HOMER2: variants seen among roughly 807,000 people sequenced by gnomAD.
HOMER2 encodes the protein homer protein homolog 2.
In HOMER2, 27 loss-of-function variants were observed where a neutral mutation model predicts 47.0. That is an observed-to-expected ratio of 0.57 (90% CI 0.42 to 0.79). HOMER2 has a LOEUF of 0.79. HOMER2 is among the 30% of genes least tolerant of loss of function. The pLI is 0.00. For missense variants in HOMER2, 443 were observed against 435.0 expected, an observed-to-expected ratio of 1.02 and a Z score of -0.16; for synonymous variants, 161 against 163.8, an observed-to-expected ratio of 0.98 and a Z score of 0.13.
intron 1 of HOMER2, among the ~76,000 whole-genome samples, chr15:82,929,183 G>A (rs937763178): frequency 2.0e-5 from 3 of 152,008 alleles, no homozygotes; most frequent in Non-Finnish European, 4.4e-5. Flanking sequence ...TTCCTACCAC[G>A]TAATCTGAAT....
At chr15:82,881,226 C>T (rs764868884) in intron 2 of HOMER2, among the ~76,000 whole-genome samples, 38 of 152,226 alleles carry the variant, frequency 2.5e-4, no homozygotes, top group Admixed American at 9.8e-4. Flanking sequence ...TCACAAAATG[C>T]ACAAAACACA....
chr15:82,985,051 T>C (rs912313089), intron 1 of HOMER2, among the ~76,000 whole-genome samples: 5 of 152,186 alleles, frequency 3.3e-5, no homozygotes, highest in Admixed American at 6.5e-5. Flanking sequence ...TTCTAAAGCT[T>C]TAAATAATGG....
chr15:82,871,241 G>C lies in HOMER2; in HGVS notation c.294+4032C>G, dbSNP rs185210180. Among the ~76,000 whole-genome samples the C allele has an allele frequency of 3.5e-3, 538 of 152,338 alleles. 3 individuals carry two copies. Among genetic ancestry groups the C allele is most frequent in the Non-Finnish European group, 5.6e-3 (383 of 68,026 alleles). On this transcript the variant is annotated intron_variant, in intron 3 of 8. Coordinates refer to ENST00000450735, the MANE Select transcript of HOMER2 (RefSeq NM_004839.4). ...TGGTTGGGAAATAGTCCTTATAATGGAGCAGTTAAGACCAAGGCATCTATT... is the reference window on the plus strand; with the variant it reads ...TGGTTGGGAAATAGTCCTTATAATGCAGCAGTTAAGACCAAGGCATCTATT...
chr15:82,954,305 T>C (rs937142619), upstream of HOMER2, among the ~76,000 whole-genome samples: 8 of 152,056 alleles, frequency 5.3e-5, no homozygotes, highest in Non-Finnish European at 7.4e-5. Context: ...ATTATTTTTT[T>C]TTTGAGACGG....
chr15:82,898,126 C>G (rs570489553), intron 1 of HOMER2, among the ~76,000 whole-genome samples: 1 of 152,250 alleles, frequency 6.6e-6, no homozygotes, highest in South Asian at 2.1e-4. Flanking sequence ...TTCAGGCAAA[C>G]TGAACAACAA....
At chr15:82,955,171 C>CTT (rs537098552), upstream of HOMER2, among the ~76,000 whole-genome samples, 55 of 133,810 alleles carry the variant, frequency 4.1e-4, no homozygotes, top group African/African-American at 1.1e-3. Flanking sequence ...TTTTCTTTTT[C>CTT]TTTTTTTTTT....
chr15:82,908,937 CA>C (rs1437294500), intron 1 of HOMER2, among the ~76,000 whole-genome samples: 1 of 151,924 alleles, frequency 6.6e-6, no homozygotes, highest in Non-Finnish European at 1.5e-5. Flanking sequence ...TAGAAGACAA[CA>C]CCAGGGAGCC....
chr15:82,849,567 GGAGT>G lies in HOMER2; in HGVS notation c.*144_*147del, dbSNP rs1002707190. On this transcript the variant is annotated 3_prime_UTR_variant, in exon 9 of 9. Transcript: ENST00000450735. ...CGAGAGGAGATTTCTATTCTGAAAA[GGAGT>G]GAGTGGACGGCACAACTGGTTTGGA... The G allele has an allele frequency of 1.4e-5, 9 of 640,202 alleles. No individual in the cohort carries two copies. The highest frequency in any genetic ancestry group is 2.0e-5 in the South Asian group (1 of 49,414). 39.7% of individuals were successfully genotyped at this position (640,202 alleles called of 1,614,324 possible).
At chr15:82,851,085 A>G in intron 8 of HOMER2, 66 bp downstream of exon 8, 1 of 1,034,824 alleles carries the variant, frequency 9.7e-7, no homozygotes, top group Non-Finnish European at 1.5e-6. Context: ...GAAGCAGGAA[A>G]ATGAGTACCA....
chr15:82,875,262 G>C lies in HOMER2; in HGVS notation c.294+11C>G. On this transcript the variant is annotated intron_variant, in intron 3 of 8. Transcript: ENST00000450735. Reference sequence around the variant, plus strand: ...GCGGGATTTACTGCACTGTGGATAGGACCAAGTTACCTTTGTCAGCTGCTG... The same window carrying C: ...GCGGGATTTACTGCACTGTGGATAGCACCAAGTTACCTTTGTCAGCTGCTG... 6.2e-7 allele frequency: 1 copy of C among 1,612,804 alleles called. No individual in the cohort carries two copies.
chr15:82,980,763 G>A (rs894820612), intron 1 of HOMER2, among the ~76,000 whole-genome samples: 2 of 152,186 alleles, frequency 1.3e-5, no homozygotes, highest in African/African-American at 2.4e-5. Flanking sequence ...GAAATATGCC[G>A]ACAATTTTAG....
chr15:82,936,036 G>A (rs1474206865), intron 1 of HOMER2, among the ~76,000 whole-genome samples: 8 of 152,102 alleles, frequency 5.3e-5, no homozygotes, highest in South Asian at 4.1e-4. Context: ...TTTCGTCCTC[G>A]CATACGTCTT....
chr15:82,895,733 GA>G (rs2052888815), intron 1 of HOMER2, among the ~76,000 whole-genome samples: 1 of 152,152 alleles, frequency 6.6e-6, no homozygotes, highest in African/African-American at 2.4e-5. Flanking sequence ...CCCTACATCA[GA>G]AAAGAGGGAT....
At chr15:82,878,472 A>T (rs1567030018) in intron 2 of HOMER2, among the ~76,000 whole-genome samples, 1 of 152,228 alleles carries the variant, frequency 6.6e-6, no homozygotes, top group Non-Finnish European at 1.5e-5. Context: ...TGATTTCTAG[A>T]GCTAAGTCTA....
chr15:82,914,178 T>TAC (rs58323062), intron 1 of HOMER2, among the ~76,000 whole-genome samples: 8,862 of 116,646 alleles, frequency 0.076, 387 homozygotes, highest in South Asian at 0.11. Flanking sequence ...CTACTAAAAA[T>TAC]ACACACACAC....
intron 1 of HOMER2, among the ~76,000 whole-genome samples, chr15:82,933,190 T>G (rs528791078): frequency 6.6e-6 from 1 of 151,492 alleles, no homozygotes; most frequent in South Asian, 2.1e-4. Context: ...CAACTCTCCA[T>G]AGGATGGGCA....
chr15:82,959,685 C>G (rs1036236281), intron 1 of HOMER2, among the ~76,000 whole-genome samples: 2 of 152,158 alleles, frequency 1.3e-5, no homozygotes, highest in African/African-American at 4.8e-5. Flanking sequence ...CATCGGCAAT[C>G]CTTTAAACTG....
intron 1 of HOMER2, among the ~76,000 whole-genome samples, chr15:82,951,316 C>G (rs1238837664): frequency 2.0e-5 from 3 of 152,224 alleles, no homozygotes; most frequent in Non-Finnish European, 4.4e-5. Context: ...TTCCATTCCT[C>G]AAAATTCCTC....
Position 82,868,541 on chromosome 15 carries a change from A to ATATATATATAT in HOMER2, c.295-4283_295-4282insATATATATATA. ...ATTTATTTTATATATATATATATAT[A>ATATATATATAT]TTTTTTTTTTTTTTTTTCCCCTTTT... On this transcript the variant is annotated intron_variant, in intron 3 of 8. Coordinates refer to ENST00000450735, the MANE Select transcript of HOMER2 (RefSeq NM_004839.4). Among the ~76,000 whole-genome samples, 82 of 71,262 alleles carry ATATATATATAT rather than the reference A, an allele frequency of 1.2e-3. 3 individuals are homozygous for ATATATATATAT. Among genetic ancestry groups the ATATATATATAT allele is most frequent in the Non-Finnish European group, 2.0e-3 (71 of 35,396 alleles). The allele number at this position is 71,262 out of a possible 152,430, so 46.8% of individuals were successfully genotyped here. A position where few individuals can be genotyped will look rare whatever the true frequency, so the allele number is the denominator to read the frequency against.
Sources: allele counts gnomAD v4.1 joint callset (sites outside exome capture counted in the v4.1 genomes callset), GRCh38; gene constraint gnomAD v4.1.1; transcripts MANE v1.5; gene names NCBI Gene and HGNC (gene_info 2026-07-23, HGNC 2026-07-21).